Variants in STX8 observed in about 807,000 individuals in gnomAD.
STX8 encodes syntaxin-8.
STX8 carries 23 observed loss-of-function variants against 37.5 expected under a neutral mutation model. The ratio of observed to expected loss-of-function variants is 0.61; its 90% CI spans 0.44 to 0.87. The LOEUF is 0.87. Among genes scored for constraint, STX8 ranks in the 40% least tolerant of loss-of-function variants. STX8 has a pLI of 0.00. For synonymous variants in STX8, 115 were observed against 99.1 expected (o/e 1.16, Z -0.95); for missense variants, 313 against 284.7 (o/e 1.10, Z -0.71).
chr17:9,289,787 C>CAAAA (rs61622479), intron 7 of STX8, among the ~76,000 whole-genome samples: 4 of 150,612 alleles, frequency 2.7e-5, no homozygotes, highest in South Asian at 2.1e-4. Context: ...CTCAAAAAAA[C>CAAAA]AAAAACAAAA....
chr17:9,485,617 GCT>G (rs1906557860), intron 6 of STX8, among the ~76,000 whole-genome samples: 1 of 148,824 alleles, frequency 6.7e-6, no homozygotes, highest in Non-Finnish European at 1.5e-5. Context: ...ACAGAGTCTT[GCT>G]CTGTCACCCA....
intron 7 of STX8, among the ~76,000 whole-genome samples, chr17:9,293,283 G>T (rs889154814): frequency 6.6e-6 from 1 of 152,160 alleles, no homozygotes; most frequent in Admixed American, 6.5e-5. Flanking sequence ...TATTCTAGGA[G>T]TATCTAAGGG....
intron 5 of STX8, among the ~76,000 whole-genome samples, chr17:9,493,889 A>G (rs961344517): frequency 1.3e-5 from 2 of 152,184 alleles, no homozygotes; most frequent in Admixed American, 1.3e-4. Flanking sequence ...AAACACAGAG[A>G]TGTTTATAAA....
At chr17:9,544,111 C>A (rs1288244028) in intron 4 of STX8, among the ~76,000 whole-genome samples, 7 of 152,260 alleles carry the variant, frequency 4.6e-5, no homozygotes, top group Middle Eastern at 3.4e-3. Flanking sequence ...AACCACTGCC[C>A]TTGGGAAGCC....
At chr17:9,428,258 T>C (rs953150826) in intron 6 of STX8, among the ~76,000 whole-genome samples, 2 of 152,070 alleles carry the variant, frequency 1.3e-5, no homozygotes, top group African/African-American at 2.4e-5. Context: ...TTGTTTTGTT[T>C]TGAGATGGAG....
chr17:9,346,640 A>C (rs969534067), intron 7 of STX8, among the ~76,000 whole-genome samples: 5 of 152,234 alleles, frequency 3.3e-5, no homozygotes, highest in African/African-American at 1.2e-4. Flanking sequence ...ATCCAAATAA[A>C]GTATTTTAGG....
intron 7 of STX8, among the ~76,000 whole-genome samples, chr17:9,352,781 T>A (rs911433842): frequency 1.3e-5 from 2 of 152,194 alleles, no homozygotes; most frequent in Non-Finnish European, 2.9e-5. Context: ...CACTTTTTTT[T>A]AAGTATCACT....
intron 7 of STX8, among the ~76,000 whole-genome samples, chr17:9,320,481 T>C (rs1291448226): frequency 6.6e-6 from 1 of 152,188 alleles, no homozygotes; most frequent in African/African-American, 2.4e-5. Flanking sequence ...GAGGGAAATA[T>C]CATTAACCAT....
intron 6 of STX8, among the ~76,000 whole-genome samples, chr17:9,484,347 A>G (rs1046521679): frequency 4.0e-5 from 6 of 151,580 alleles, no homozygotes; most frequent in Non-Finnish European, 7.4e-5. Flanking sequence ...GAAAGAAGGG[A>G]AGATTTCTTA....
At chr17:9,435,964 G>A (rs990960410) in intron 6 of STX8, among the ~76,000 whole-genome samples, 3 of 152,112 alleles carry the variant, frequency 2.0e-5, no homozygotes, top group African/African-American at 2.4e-5. Context: ...GAAGGAATCC[G>A]TTACAGTCTG....
chr17:9,460,440 A>T (rs771162360), intron 6 of STX8, among the ~76,000 whole-genome samples: 1 of 152,180 alleles, frequency 6.6e-6, no homozygotes, highest in Non-Finnish European at 1.5e-5. Flanking sequence ...TGGGAGTCCG[A>T]GACAGGTGGA....
chr17:9,533,546 A>G (rs1316257298), intron 4 of STX8, among the ~76,000 whole-genome samples: 1 of 152,222 alleles, frequency 6.6e-6, no homozygotes, highest in Non-Finnish European at 1.5e-5. Flanking sequence ...TGATAGGTGT[A>G]AACATCCCAG....
chr17:9,328,748 G>A (rs1909860768), intron 7 of STX8, among the ~76,000 whole-genome samples: 1 of 152,140 alleles, frequency 6.6e-6, no homozygotes, highest in Admixed American at 6.6e-5. Context: ...CTTCAGACAT[G>A]TAATTAAGAT....
At position 9,465,598 on chromosome 17, in the gene STX8, G is replaced by T. The variant is rs146248544; in HGVS notation, c.541+26231C>A. On this transcript the variant is annotated intron_variant, in intron 6 of 7. Coordinates refer to ENST00000306357, the MANE Select transcript of STX8 (RefSeq NM_004853.3). ...TATCACAGGTGTGCAGGATCACCTG[G>T]AGAAAATGAACTTGAGAAAAGGCGA... is the stretch of plus-strand genomic sequence containing the variant. 5.0e-3 allele frequency among the ~76,000 whole-genome samples: 759 copies of T among 152,290 alleles called. 2 individuals are homozygous for T. Among genetic ancestry groups the T allele is most frequent in the Non-Finnish European group, 8.3e-3 (563 of 68,024 alleles).
chr17:9,372,502 G>T (rs1435801127), intron 7 of STX8, among the ~76,000 whole-genome samples: 2 of 151,844 alleles, frequency 1.3e-5, no homozygotes, highest in Non-Finnish European at 2.9e-5. Flanking sequence ...TTCTGAGATG[G>T]AGTCATGCTT....
At chr17:9,468,995 T>G (rs1165032818) in intron 6 of STX8, 3 of 152,222 alleles carry the variant, frequency 2.0e-5, no homozygotes, top group Non-Finnish European at 4.4e-5. Context: ...CCTCAATGCC[T>G]CTATGGAGAA....
intron 6 of STX8, among the ~76,000 whole-genome samples, chr17:9,476,579 A>T (rs1246121946): frequency 6.6e-6 from 1 of 151,848 alleles, no homozygotes; most frequent in Non-Finnish European, 1.5e-5. Flanking sequence ...CAGCCTCCCA[A>T]GTAGCTGGGA....
chr17:9,366,450 T>C (rs1911232311), intron 7 of STX8, among the ~76,000 whole-genome samples: 1 of 152,198 alleles, frequency 6.6e-6, no homozygotes, highest in Non-Finnish European at 1.5e-5. Flanking sequence ...CAGGCTGGTC[T>C]TGAACTCCTG....
At position 9,568,413 on chromosome 17, in the gene STX8, T is replaced by C. The variant is rs751044254; in HGVS notation, c.75A>G (p.Gln25=). The C allele has an allele frequency of 3.1e-6, 5 of 1,612,810 alleles. No homozygotes were observed. In the Admixed American group the frequency reaches 6.7e-5, roughly 22 times the overall value. ...QIAQEIAEKI[Q]QRNQYERKGE... is the part of the protein sequence containing the mutation. The stretch of plus-strand genomic sequence containing the variant: ...CTTTTCTTTCATATTGATTTCGTTG[T>C]TGAATTTTCTCAGCAATTTCTTGGG... The change falls in exon 2 of 8, where the codon CAA becomes CAG. Residue 25 remains glutamine (Q), a synonymous_variant. Transcript: ENST00000306357.
Sources: gnomAD v4.1 joint callset for allele counts (sites outside exome capture counted in the v4.1 genomes callset) on GRCh38, gnomAD v4.1.1 for gene constraint, MANE v1.5 for transcripts, NCBI Gene and HGNC (gene_info 2026-07-23, HGNC 2026-07-21) for gene names.